TSNARE1: variants seen among roughly 807,000 people sequenced by gnomAD.
TSNARE1 encodes the protein t-SNARE domain-containing protein 1.
In TSNARE1, 49 loss-of-function variants were observed where a neutral mutation model predicts 62.0. That is an observed-to-expected ratio of 0.79 (90% confidence interval 0.63 to 1.00). The LOEUF (loss-of-function observed/expected upper bound fraction) is 1.00. Ranked by LOEUF, TSNARE1 falls within the 50% of genes least tolerant of loss-of-function variation. TSNARE1 has a pLI of 0.00. For synonymous variants in TSNARE1, 328 were observed against 294.4 expected (o/e 1.11, Z -1.17); for missense variants, 755 against 700.1 (o/e 1.08, Z -0.88).
chr8:142,214,314 C>G (rs1233278744), intron 13 of TSNARE1, among the ~76,000 whole-genome samples: 1 of 152,228 alleles, frequency 6.6e-6, no homozygotes, highest in African/African-American at 2.4e-5. Context: ...ACCCTTCATT[C>G]CGCCATGGGG....
intron 12 of TSNARE1, chr8:142,273,251 G>A (rs1157758303): frequency 2.0e-6 from 2 of 985,306 alleles, no homozygotes; most frequent in Non-Finnish European, 2.4e-6. Flanking sequence ...CATCAGCGCT[G>A]CTTCTGACCA....
intron 12 of TSNARE1, among the ~76,000 whole-genome samples, chr8:142,239,372 C>G (rs1163641615): frequency 1.3e-5 from 2 of 152,156 alleles, no homozygotes; most frequent in East Asian, 3.8e-4. Flanking sequence ...CTAAAAATAA[C>G]CGGTAACAAT....
At chr8:142,297,211 G>A (rs1053695986) in intron 10 of TSNARE1, among the ~76,000 whole-genome samples, 3 of 152,236 alleles carry the variant, frequency 2.0e-5, no homozygotes, top group Non-Finnish European at 4.4e-5. Context: ...GAGGACAAAG[G>A]AAAGGGATGC....
At chr8:142,377,704 C>A (rs1836449488) in intron 1 of TSNARE1, among the ~76,000 whole-genome samples, 2 of 152,304 alleles carry the variant, frequency 1.3e-5, no homozygotes, top group South Asian at 4.1e-4. Flanking sequence ...CGAAGCAGCA[C>A]AGGCCCCTGC....
chr8:142,324,344 C>T (rs1245521450), intron 6 of TSNARE1, among the ~76,000 whole-genome samples: 4 of 152,230 alleles, frequency 2.6e-5, no homozygotes, highest in Non-Finnish European at 5.9e-5. Flanking sequence ...ATCCCTCTCC[C>T]AGCACTCCTG....
chr8:142,237,788 T>C (rs1817505213), intron 12 of TSNARE1, among the ~76,000 whole-genome samples: 1 of 152,120 alleles, frequency 6.6e-6, no homozygotes, highest in Non-Finnish European at 1.5e-5. Context: ...GAGCTGGATC[T>C]CTCCTGGACC....
chr8:142,236,351 G>A (rs75230737), intron 12 of TSNARE1, among the ~76,000 whole-genome samples: 2,964 of 151,994 alleles, frequency 0.02, 102 homozygotes, highest in African/African-American at 0.068. Context: ...GGCAGGTGGG[G>A]CAGGAAGAGC....
rs541261408 is a variant in TSNARE1 at position 142,368,932 on chromosome 8, A to G, written c.-39-14169T>C. ...CTTCCTGGGCCCACTGCAGGAGTGCAAGAGAGGCAGAAAACACTCTCCTCT... is the reference window on the plus strand; with the variant it reads ...CTTCCTGGGCCCACTGCAGGAGTGCGAGAGAGGCAGAAAACACTCTCCTCT... On this transcript the variant is annotated intron_variant, in intron 1 of 13. Transcript: ENST00000524325. Among the ~76,000 whole-genome samples, 17 of 152,320 alleles carry G rather than the reference A, an allele frequency of 1.1e-4. No individual in the cohort carries two copies. The East Asian group carries it at 2.7e-3, about 24-fold the overall frequency.
chr8:142,385,377 C>T (rs888807942), intron 1 of TSNARE1, among the ~76,000 whole-genome samples: 28 of 152,300 alleles, frequency 1.8e-4, no homozygotes, highest in African/African-American at 6.3e-4. Context: ...CAAACCTCAG[C>T]CAATCAAAAG....
chr8:142,258,403 G>C (rs1383337000), intron 12 of TSNARE1, among the ~76,000 whole-genome samples: 2 of 151,920 alleles, frequency 1.3e-5, no homozygotes, highest in Non-Finnish European at 2.9e-5. Flanking sequence ...ACTGTATCTT[G>C]GACAAGTCTT....
intron 1 of TSNARE1, among the ~76,000 whole-genome samples, chr8:142,359,639 GC>G (rs1835011180): frequency 6.6e-6 from 1 of 152,176 alleles, no homozygotes; most frequent in Non-Finnish European, 1.5e-5. Flanking sequence ...AATCTGACTG[GC>G]CCCAGGCCAC....
At chr8:142,220,156 G>A (rs956606291) in intron 13 of TSNARE1, among the ~76,000 whole-genome samples, 3 of 152,202 alleles carry the variant, frequency 2.0e-5, no homozygotes, top group Non-Finnish European at 4.4e-5. Flanking sequence ...TGAGCTCCAC[G>A]GCCATGACTG....
chr8:142,222,480 TCACTCACTCATC>T (rs1225080739), intron 13 of TSNARE1, among the ~76,000 whole-genome samples: 26,631 of 78,406 alleles, frequency 0.34, 5,386 homozygotes, highest in Non-Finnish European at 0.4. Flanking sequence ...ATCCACTCAC[TCACTCACTCATC>T]CACTCACTCA....
intron 1 of TSNARE1, among the ~76,000 whole-genome samples, chr8:142,395,587 C>T (rs1837840565): frequency 1.3e-5 from 2 of 151,320 alleles, no homozygotes; most frequent in South Asian, 2.1e-4. Flanking sequence ...GCGGCACCGC[C>T]GGATCTACCC....
chr8:142,265,949 A>G (rs1819118109), intron 12 of TSNARE1, among the ~76,000 whole-genome samples: 1 of 152,206 alleles, frequency 6.6e-6, no homozygotes. Context: ...AGCTTTTTAT[A>G]TATTCTGGAT....
intron 11 of TSNARE1, among the ~76,000 whole-genome samples, chr8:142,281,259 G>A (rs937331749): frequency 1.3e-5 from 2 of 152,124 alleles, no homozygotes; most frequent in Admixed American, 1.3e-4. Flanking sequence ...TTCCTCAACT[G>A]AGGAAAAGAG....
At chr8:142,346,458 T>G (rs1053981470) in intron 2 of TSNARE1, among the ~76,000 whole-genome samples, 3 of 152,264 alleles carry the variant, frequency 2.0e-5, no homozygotes, top group Admixed American at 1.3e-4. Context: ...TTATTTCCAT[T>G]TGTTCACAAA....
intron 11 of TSNARE1, 125 bp downstream of exon 11, chr8:142,284,288 C>G (rs1822308448): frequency 1.4e-6 from 1 of 733,782 alleles, no homozygotes. Flanking sequence ...AGACCTGGAC[C>G]CCAGCCTGGG....
chr8:142,229,617 C>T (rs757983409), intron 12 of TSNARE1, 38 bp from the exon 13 acceptor site: 2 of 1,589,690 alleles, frequency 1.3e-6, no homozygotes, highest in Non-Finnish European at 1.7e-6. Context: ...TATCCTGGTC[C>T]TCCAACCTCC....
Sources: allele counts gnomAD v4.1 joint callset (sites outside exome capture counted in the v4.1 genomes callset), GRCh38; gene constraint gnomAD v4.1.1; transcripts MANE v1.5; gene names NCBI Gene and HGNC (gene_info 2026-07-23, HGNC 2026-07-21).